ADAMTS2: variants seen among roughly 807,000 people sequenced by gnomAD.
ADAMTS2 encodes ADAM metallopeptidase with thrombospondin type 1 motif 2.
Under a neutral mutation model 123.0 loss-of-function variants are expected in ADAMTS2, and 50 were observed. The observed-to-expected ratio is 0.41, with a 90% confidence interval of 0.32 to 0.51. The LOEUF is 0.51. ADAMTS2 is among the 20% of genes least tolerant of loss of function. ADAMTS2 has a pLI of 0.35. For missense variants in ADAMTS2, 1,494 were observed against 1,705.2 expected, an observed-to-expected ratio of 0.88 and a Z score of 2.18; for synonymous variants, 678 against 695.4, an observed-to-expected ratio of 0.98 and a Z score of 0.39.
intron 2 of ADAMTS2, among the ~76,000 whole-genome samples, chr5:179,288,598 T>C (rs988914508): frequency 4.6e-5 from 7 of 152,144 alleles, no homozygotes; most frequent in Non-Finnish European, 1.0e-4. Context: ...CTGGGATGTG[T>C]ATTTATTCTA....
At chr5:179,215,294 C>T (rs773077236) in intron 3 of ADAMTS2, among the ~76,000 whole-genome samples, 63 of 151,996 alleles carry the variant, frequency 4.1e-4, no homozygotes, top group African/African-American at 1.4e-3. Flanking sequence ...ACTAAAAATA[C>T]AAAATTAGCT....
intron 3 of ADAMTS2, among the ~76,000 whole-genome samples, chr5:179,219,086 G>A (rs1765068283): frequency 6.6e-6 from 1 of 152,168 alleles, no homozygotes; most frequent in African/African-American, 2.4e-5. Context: ...CCAGCTCCAG[G>A]AGTGCCCAAG....
intron 5 of ADAMTS2, among the ~76,000 whole-genome samples, chr5:179,159,572 C>G (rs1052167133): frequency 1.3e-5 from 2 of 152,178 alleles, no homozygotes; most frequent in African/African-American, 4.8e-5. Flanking sequence ...TGGGAAGCCC[C>G]CGGGAACCAT....
rs758930639 is a variant in ADAMTS2 at position 179,132,735 on chromosome 5, C to T, written c.2209+42G>A. The T allele has an allele frequency of 1.9e-6, 3 of 1,613,536 alleles. No individual in the cohort carries two copies. In the South Asian group the frequency reaches 3.3e-5, roughly 18 times the overall value. ...CAGCTGTCCGGGCATGAGCCTGCTG[C>T]AGGCATCCAGGCTCCAGGGTGGAGA... On this transcript the variant is annotated intron_variant, in intron 14 of 21. Coordinates refer to ENST00000251582, the MANE Select transcript of ADAMTS2 (RefSeq NM_014244.5). The surrounding 1 kb of genome is among the most constrained non-coding windows in gnomAD (Gnocchi z 6.1).
intron 11 of ADAMTS2, 130 bp downstream of exon 11, chr5:179,139,760 C>A (rs1272057436): frequency 3.6e-6 from 5 of 1,396,586 alleles, no homozygotes; most frequent in Non-Finnish European, 4.9e-6. Flanking sequence ...GCAGGCGGGG[C>A]AGCCTGCCCT....
chr5:179,190,543 T>C (rs969262888), intron 4 of ADAMTS2, among the ~76,000 whole-genome samples: 8 of 152,192 alleles, frequency 5.3e-5, no homozygotes, highest in Non-Finnish European at 1.0e-4. Flanking sequence ...AGCATAATTA[T>C]TTGCTTGGTT....
chr5:179,177,484 G>A (rs1763957916), intron 5 of ADAMTS2, among the ~76,000 whole-genome samples: 1 of 152,204 alleles, frequency 6.6e-6, no homozygotes, highest in African/African-American at 2.4e-5. Context: ...AGTCTTGCCT[G>A]ATAAATGCTT....
intron 3 of ADAMTS2, among the ~76,000 whole-genome samples, chr5:179,219,529 A>T (rs931386787): frequency 6.6e-6 from 1 of 152,014 alleles, no homozygotes; most frequent in African/African-American, 2.4e-5. Context: ...GGGCGAGGAG[A>T]AGGTCTGCAG....
intron 3 of ADAMTS2, among the ~76,000 whole-genome samples, chr5:179,249,902 G>A (rs1166823857): frequency 6.6e-6 from 1 of 152,112 alleles, no homozygotes; most frequent in Non-Finnish European, 1.5e-5. Flanking sequence ...GAAAACTACA[G>A]ACTAATGTCT....
intron 4 of ADAMTS2, among the ~76,000 whole-genome samples, chr5:179,192,612 G>C (rs1206665741): frequency 6.6e-6 from 1 of 152,204 alleles, no homozygotes; most frequent in African/African-American, 2.4e-5. Flanking sequence ...GGATCAGAAG[G>C]GCCAGCATGG....
chr5:179,236,494 A>C (rs1765533177), intron 3 of ADAMTS2, among the ~76,000 whole-genome samples: 1 of 151,496 alleles, frequency 6.6e-6, no homozygotes, highest in Non-Finnish European at 1.5e-5. Context: ...TCTGATAAAG[A>C]ATCGTTTAAA....
intron 3 of ADAMTS2, among the ~76,000 whole-genome samples, chr5:179,250,320 G>GA (rs1414082517): frequency 2.0e-5 from 3 of 152,114 alleles, no homozygotes; most frequent in Non-Finnish European, 2.9e-5. Context: ...AATTCAGCAA[G>GA]AAAAAAATAA....
At chr5:179,342,388 G>C (rs932299554) in intron 2 of ADAMTS2, among the ~76,000 whole-genome samples, 3 of 152,112 alleles carry the variant, frequency 2.0e-5, no homozygotes, top group African/African-American at 7.2e-5. Flanking sequence ...CGATGTCAAG[G>C]GCTCACCATT....
intron 20 of ADAMTS2, among the ~76,000 whole-genome samples, chr5:179,122,406 C>T (rs574811672): frequency 7.9e-5 from 12 of 152,302 alleles, no homozygotes; most frequent in East Asian, 1.9e-4. Context: ...CTGCTGTCAC[C>T]GTGAGTCTGC....
In ADAMTS2 at chr5:179,181,931, C is replaced by T. The variant is rs1281086603; in HGVS notation, c.892-776G>A. Among the ~76,000 whole-genome samples, 5 of 152,266 alleles carry T rather than the reference C, an allele frequency of 3.3e-5. No individual in the cohort carries two copies. In the South Asian group the frequency reaches 6.2e-4, roughly 19 times the overall value. On this transcript the variant is annotated intron_variant, in intron 4 of 21. Transcript: ENST00000251582. The surrounding 1 kb of genome is among the most constrained non-coding windows in gnomAD (Gnocchi z 4.1). ...TCCAGAAACATAGGTCAGGTTATCCCGGGCTCGAGGCTGTCAGGGGCTTCC... is the reference window on the plus strand; with the variant it reads ...TCCAGAAACATAGGTCAGGTTATCCTGGGCTCGAGGCTGTCAGGGGCTTCC...
chr5:179,138,369 G>A (rs938247593), intron 11 of ADAMTS2, among the ~76,000 whole-genome samples: 5 of 152,178 alleles, frequency 3.3e-5, no homozygotes, highest in African/African-American at 1.2e-4. Context: ...GCTGGCCCTG[G>A]GCACCGAGCC....
At chr5:179,249,936 C>T (rs1765881413) in intron 3 of ADAMTS2, among the ~76,000 whole-genome samples, 1 of 152,150 alleles carries the variant, frequency 6.6e-6, no homozygotes, top group Non-Finnish European at 1.5e-5. Context: ...GTGCAAAAAT[C>T]CTCAATGATA....
chr5:179,340,844 A>G (rs1038002713), intron 2 of ADAMTS2, among the ~76,000 whole-genome samples: 1 of 152,210 alleles, frequency 6.6e-6, no homozygotes, highest in African/African-American at 2.4e-5. Flanking sequence ...TTTAATGGGC[A>G]TGTAAAAACC....
chr5:179,119,451 C>T (rs1489522624), intron 21 of ADAMTS2, among the ~76,000 whole-genome samples: 1 of 152,252 alleles, frequency 6.6e-6, no homozygotes, highest in Non-Finnish European at 1.5e-5. Flanking sequence ...AGGAGTGAGA[C>T]TTCCATGGGC....
Sources: gnomAD v4.1 joint callset for allele counts (sites outside exome capture counted in the v4.1 genomes callset) on GRCh38, gnomAD v4.1.1 for gene constraint, Gnocchi (gnomAD v3.1) non-coding constraint, MANE v1.5 for transcripts, NCBI Gene and HGNC (gene_info 2026-07-23, HGNC 2026-07-21) for gene names.